The following ATG101 variants were observed in gnomAD, a reference collection of about 807,000 sequenced individuals.
ATG101 encodes the protein autophagy related 101, also known as autophagy-related protein 101.
ATG101 carries 6 observed loss-of-function variants against 16.7 expected under a neutral mutation model. The ratio of observed to expected loss-of-function variants is 0.36; its 90% CI spans 0.20 to 0.71. ATG101 has a LOEUF of 0.71. Ranked by LOEUF, ATG101 falls within the 30% of genes least tolerant of loss-of-function variation. The pLI, the probability that ATG101 is intolerant of heterozygous loss-of-function variation, is 0.57. For missense variants in ATG101, 200 were observed against 292.5 expected, an observed-to-expected ratio of 0.68 and a Z score of 2.31; for synonymous variants, 108 against 118.1, an observed-to-expected ratio of 0.91 and a Z score of 0.56.
At chr12:52,069,802 G>A (rs938539202), upstream of ATG101, 1 of 152,224 alleles carries the variant, frequency 6.6e-6, no homozygotes, top group Non-Finnish European at 1.5e-5. Context: ...ACATAACCAC[G>A]AAAGGAGCAG....
chr12:52,074,081 G>GAGGGC (rs1555171076), intron 3 of ATG101, among the ~76,000 whole-genome samples, 179 bp downstream of exon 3: 3 of 151,924 alleles, frequency 2.0e-5, no homozygotes, highest in Non-Finnish European at 2.9e-5. Flanking sequence ...GGGAGGGCGC[G>GAGGGC]CGGGCGCGTG....
rs565732645 is a variant in ATG101 at position 52,073,871 on chromosome 12, G to A, written c.221G>A (p.Arg74His). 356 of 1,614,188 alleles carry A rather than the reference G, an allele frequency of 2.2e-4. 3 individuals carry two copies. In the South Asian group the frequency reaches 3.7e-3, roughly 17 times the overall value. Residue 74 changes from arginine (R) to histidine (H), a missense_variant, in exon 3 of 4, where the codon CGT (arginine) becomes CAT (histidine). By Grantham distance (29) the Arg-to-His change is conservative (BLOSUM62 0). Coordinates refer to ENST00000336854, the MANE Select transcript of ATG101 (RefSeq NM_021934.5). ...YVRVSSEELD[R>H]ALRKVVGEFK... ...CGTGTCTCTTCTGAGGAACTGGATC[G>A]TGCCCTGCGCAAGGTTGTTGGGGAG...
chr12:52,073,990 G>A, intron 3 of ATG101, 88 bp downstream of exon 3: 1 of 1,535,272 alleles, frequency 6.5e-7, no homozygotes, highest in Non-Finnish European at 8.9e-7. Context: ...GCTTGGTGTT[G>A]AACCAGCCTT....
At chr12:52,065,529 G>C (rs1377441987), upstream of ATG101, among the ~76,000 whole-genome samples, 2 of 117,232 alleles carry the variant, frequency 1.7e-5, no homozygotes, top group Admixed American at 1.9e-4. Flanking sequence ...CTCCCTGATG[G>C]GACTACCAGA....
chr12:52,074,108 G>A (rs962750638), intron 3 of ATG101, among the ~76,000 whole-genome samples: 1 of 152,242 alleles, frequency 6.6e-6, no homozygotes, highest in African/African-American at 2.4e-5. Flanking sequence ...TGGTGGGGGA[G>A]GGAGAGACTC....
At position 52,077,202 on chromosome 12, in the gene ATG101, T is replaced by A; in HGVS notation, c.*12T>A. 6.2e-7 allele frequency: 1 copy of A among 1,608,314 alleles called. No individual in the cohort carries two copies. Among genetic ancestry groups the A allele is most frequent in the Non-Finnish European group, 8.5e-7 (1 of 1,175,550 alleles). ...CCCTTGCCCTCTGAGCGTCGCTGGA[T>A]CTCTGGGAGCTCCTTGATGGCTCCC... On this transcript the variant is annotated 3_prime_UTR_variant, in exon 4 of 4. Coordinates refer to ENST00000336854, the MANE Select transcript of ATG101 (RefSeq NM_021934.5).
upstream of ATG101, among the ~76,000 whole-genome samples, chr12:52,068,977 C>G (rs1300158729): frequency 1.8e-5 from 2 of 113,966 alleles, no homozygotes; most frequent in Admixed American, 2.5e-4. Context: ...GGCGACAGAG[C>G]GAGACGCCGT....
chr12:52,069,756 G>A (rs1320924056), upstream of ATG101: 1 of 152,194 alleles, frequency 6.6e-6, no homozygotes, highest in Non-Finnish European at 1.5e-5. Context: ...TCCACATGAG[G>A]GGGATCTTCA....
chr12:52,071,614 C>T (rs941204005), intron 2 of ATG101, among the ~76,000 whole-genome samples: 2 of 152,056 alleles, frequency 1.3e-5, no homozygotes, highest in African/African-American at 4.8e-5. Context: ...CTCAGGAGTT[C>T]GAGACCAGCC....
At chr12:52,076,735 C>G in intron 3 of ATG101, 51 bp from the exon 4 acceptor site, 1 of 1,581,452 alleles carries the variant, frequency 6.3e-7, no homozygotes, top group Non-Finnish European at 8.6e-7. Context: ...CAGGCCCTCA[C>G]AGGTGGGAAC....
chr12:52,066,191 A>T (rs1391501145), upstream of ATG101, among the ~76,000 whole-genome samples: 1 of 152,204 alleles, frequency 6.6e-6, no homozygotes, highest in Non-Finnish European at 1.5e-5. Context: ...GGGATTTATT[A>T]TAAGGAGCTG....
Position 52,077,107 on chromosome 12 carries a change from A to G in ATG101, c.574A>G (p.Ile192Val). The G allele has an allele frequency of 1.2e-6, 2 of 1,614,130 alleles. No homozygotes were observed. Among genetic ancestry groups the G allele is most frequent in the Non-Finnish European group, 1.7e-6 (2 of 1,180,020 alleles). ...GGACGTGCAGCCCTACCTGTACAAG[A>G]TCTCCTTCCAGATCACTGATGCCCT... Reference protein sequence around the residue: ...LRDVQPYLYKISFQITDALGT... With the variant: ...LRDVQPYLYKVSFQITDALGT... The change falls in exon 4 of 4, where the codon ATC (isoleucine) becomes GTC (valine). Residue 192 changes from isoleucine (I) to valine (V), a missense_variant. Coordinates refer to ENST00000336854, the MANE Select transcript of ATG101 (RefSeq NM_021934.5).
At chr12:52,074,081 G>GGGC (rs1555171076) in intron 3 of ATG101, among the ~76,000 whole-genome samples, 179 bp downstream of exon 3, 6 of 151,924 alleles carry the variant, frequency 3.9e-5, no homozygotes, top group Admixed American at 1.3e-4. Context: ...GGGAGGGCGC[G>GGGC]CGGGCGCGTG....
chr12:52,076,094 G>C (rs1939725556), intron 3 of ATG101, among the ~76,000 whole-genome samples: 1 of 152,216 alleles, frequency 6.6e-6, no homozygotes, highest in Non-Finnish European at 1.5e-5. Flanking sequence ...GGAGTCCGAG[G>C]CTGCAGTGAG....
chr12:52,066,422 C>T (rs1046253629), upstream of ATG101, among the ~76,000 whole-genome samples: 4 of 152,156 alleles, frequency 2.6e-5, no homozygotes, highest in African/African-American at 7.2e-5. Context: ...CCCTCCACAC[C>T]GGGAAGGGAA....
intron 3 of ATG101, 50 bp downstream of exon 3, chr12:52,073,952 G>T: frequency 6.7e-7 from 1 of 1,487,938 alleles, no homozygotes. Context: ...GCAGATGGCA[G>T]GGGGGCCTCG....
At chr12:52,068,296 C>T (rs1454709526), upstream of ATG101, among the ~76,000 whole-genome samples, 1 of 151,546 alleles carries the variant, frequency 6.6e-6, no homozygotes, top group Non-Finnish European at 1.5e-5. Flanking sequence ...TCGAGTGATC[C>T]ATCAGCCTCG....
chr12:52,075,395 A>G (rs890751678), intron 3 of ATG101, among the ~76,000 whole-genome samples: 6 of 152,344 alleles, frequency 3.9e-5, no homozygotes, highest in African/African-American at 1.4e-4. Context: ...GCTCCACTCA[A>G]AATTGCAATA....
intron 2 of ATG101, among the ~76,000 whole-genome samples, chr12:52,071,793 T>C (rs988596704): frequency 2.6e-5 from 4 of 151,910 alleles, no homozygotes; most frequent in African/African-American, 9.7e-5. Flanking sequence ...GGTGATGGAG[T>C]GAGACCCCAT....
Sources: gnomAD v4.1 joint callset for allele counts (sites outside exome capture counted in the v4.1 genomes callset) on GRCh38, gnomAD v4.1.1 for gene constraint, MANE v1.5 for transcripts, NCBI Gene and HGNC (gene_info 2026-07-23, HGNC 2026-07-21) for gene names.